The following PDE4D variants were observed in gnomAD, a reference collection of about 807,000 sequenced individuals.
PDE4D encodes the protein phosphodiesterase 4D.
In PDE4D, 24 loss-of-function variants were observed where a neutral mutation model predicts 87.4. The ratio of observed to expected loss-of-function variants is 0.27; its 90% CI spans 0.20 to 0.39. The LOEUF (loss-of-function observed/expected upper bound fraction) is 0.39. Among genes scored for constraint, PDE4D ranks in the 10% least tolerant of loss-of-function variants. PDE4D has a pLI of 1.00. For missense variants in PDE4D, 714 were observed against 1,041.0 expected (o/e 0.69, Z 4.32); for synonymous variants, 384 against 383.2 (o/e 1.00, Z -0.02).
chr5:60,106,759 C>A (rs2149345870), intron 2 of PDE4D, among the ~76,000 whole-genome samples: 1 of 152,212 alleles, frequency 6.6e-6, no homozygotes, highest in Admixed American at 6.5e-5. Context: ...TGAATGACTA[C>A]TGGGTACATA....
chr5:59,214,407 T>C (rs1750777710), intron 2 of PDE4D, among the ~76,000 whole-genome samples: 2 of 152,182 alleles, frequency 1.3e-5, no homozygotes, highest in Non-Finnish European at 2.9e-5. Context: ...TAATTTTCCA[T>C]GCCTCACATT....
chr5:59,276,094 T>C (rs1764739978), intron 1 of PDE4D: 1 of 966,696 alleles, frequency 1.0e-6, no homozygotes, highest in African/African-American at 1.9e-5. Context: ...AAGAAGGCAG[T>C]TCAAAACACC....
intron 1 of PDE4D, among the ~76,000 whole-genome samples, chr5:60,354,656 T>C (rs963728394): frequency 1.3e-5 from 2 of 152,162 alleles, no homozygotes; most frequent in African/African-American, 2.4e-5. Context: ...GTCACCACAA[T>C]TGGAGGTTGG....
intron 1 of PDE4D, among the ~76,000 whole-genome samples, chr5:59,477,372 AAAT>A (rs1562256049): frequency 7.5e-6 from 1 of 134,062 alleles, no homozygotes; most frequent in Admixed American, 7.3e-5. Flanking sequence ...AAAAAAAAAA[AAAT>A]TAAAGAATCT....
At chr5:60,351,783 T>C (rs756642210) in intron 1 of PDE4D, among the ~76,000 whole-genome samples, 19 of 127,350 alleles carry the variant, frequency 1.5e-4, no homozygotes, top group Admixed American at 3.6e-4. Flanking sequence ...CCTAATTATT[T>C]TATTTATTTA....
At chr5:59,068,322 C>T (rs1000477427) in intron 5 of PDE4D, among the ~76,000 whole-genome samples, 6 of 152,014 alleles carry the variant, frequency 3.9e-5, no homozygotes, top group African/African-American at 1.4e-4. Flanking sequence ...GACACTAAAA[C>T]TTTTTTTTAA....
At chr5:59,630,522 A>C (rs1287534482) in intron 1 of PDE4D, among the ~76,000 whole-genome samples, 2 of 152,230 alleles carry the variant, frequency 1.3e-5, no homozygotes, top group African/African-American at 4.8e-5. Flanking sequence ...CCTTCCTGAA[A>C]ATATGGGTGG....
intron 1 of PDE4D, among the ~76,000 whole-genome samples, chr5:60,255,026 C>G (rs1479486334): frequency 3.3e-5 from 5 of 151,872 alleles, no homozygotes; most frequent in Non-Finnish European, 7.4e-5. Flanking sequence ...AAGAATACTG[C>G]TGCCTCAGTT....
intron 5 of PDE4D, among the ~76,000 whole-genome samples, chr5:59,059,846 A>T (rs1762876569): frequency 6.6e-6 from 1 of 152,172 alleles, no homozygotes; most frequent in Non-Finnish European, 1.5e-5. Context: ...TGTATGCAGG[A>T]TTATTAATAG....
Position 59,248,902 on chromosome 5 carries a change from A to G in PDE4D, c.456-32934T>C, listed in dbSNP as rs1759388569. On this transcript the variant is annotated intron_variant, in intron 1 of 14. Coordinates refer to ENST00000340635, the MANE Select transcript of PDE4D (RefSeq NM_001104631.2). ...TAAGAGCTAGGTTAAAAAATCACAA[A>G]TACGGAAAATGTAGCTAAACATTTA... Among the ~76,000 whole-genome samples the G allele has an allele frequency of 2.0e-5, 3 of 152,178 alleles. No homozygotes were observed. In the South Asian group the frequency reaches 6.2e-4, roughly 31 times the overall value.
intron 1 of PDE4D, among the ~76,000 whole-genome samples, chr5:59,704,391 A>G (rs1398128991): frequency 6.6e-6 from 1 of 152,214 alleles, no homozygotes; most frequent in Non-Finnish European, 1.5e-5. Flanking sequence ...ACCATCATCT[A>G]CAATGATGAC....
chr5:59,970,357 G>A (rs940816283), intron 3 of PDE4D, among the ~76,000 whole-genome samples: 1 of 152,134 alleles, frequency 6.6e-6, no homozygotes, highest in South Asian at 2.1e-4. Context: ...ATTGACAAAT[G>A]GGATCTAATT....
At chr5:60,430,393 G>T in intron 1 of PDE4D, 1 of 368,530 alleles carries the variant, frequency 2.7e-6, no homozygotes, top group Non-Finnish European at 5.3e-6. Context: ...CAGCCCCTTG[G>T]CCTTGCTTCT....
chr5:60,015,643 G>T (rs1307327361), intron 2 of PDE4D, among the ~76,000 whole-genome samples: 1 of 152,150 alleles, frequency 6.6e-6, no homozygotes, highest in Non-Finnish European at 1.5e-5. Context: ...CTATTTTTTA[G>T]ATGAGATTAA....
intron 2 of PDE4D, among the ~76,000 whole-genome samples, chr5:60,123,099 C>T (rs542075987): frequency 5.1e-4 from 77 of 152,274 alleles, no homozygotes; most frequent in Admixed American, 1.4e-3. Context: ...ATCTTATTGT[C>T]CATATTGCTA....
At chr5:60,008,153 C>T (rs1307117425) in intron 2 of PDE4D, among the ~76,000 whole-genome samples, 1 of 151,910 alleles carries the variant, frequency 6.6e-6, no homozygotes, top group African/African-American at 2.4e-5. Context: ...AATTGCTCTG[C>T]CCTATGAAAG....
chr5:59,006,380 C>T (rs1169605933), intron 6 of PDE4D, among the ~76,000 whole-genome samples: 1 of 151,890 alleles, frequency 6.6e-6, no homozygotes, highest in East Asian at 1.9e-4. Context: ...GCCTGGGCAA[C>T]ATAGAGAAAC....
At chr5:60,382,064 A>T (rs1583584034) in intron 1 of PDE4D, among the ~76,000 whole-genome samples, 2 of 152,302 alleles carry the variant, frequency 1.3e-5, no homozygotes, top group East Asian at 3.9e-4. Context: ...CTTGATACTA[A>T]ATAACATTTT....
At chr5:60,232,732 T>C (rs1745961096) in intron 1 of PDE4D, among the ~76,000 whole-genome samples, 2 of 151,884 alleles carry the variant, frequency 1.3e-5, no homozygotes, top group Non-Finnish European at 1.5e-5. Context: ...AAAGAAGCCT[T>C]ACATCCAGGC....
Sources: allele counts gnomAD v4.1 joint callset (sites outside exome capture counted in the v4.1 genomes callset), GRCh38; gene constraint gnomAD v4.1.1; transcripts MANE v1.5; gene names NCBI Gene and HGNC (gene_info 2026-07-23, HGNC 2026-07-21).